Variants in EDIL3 observed in about 807,000 individuals in gnomAD.
The protein encoded by EDIL3 is EGF like and discoidin domains 3, also known as EGF-like repeat and discoidin I-like domain-containing protein 3.
In EDIL3, 37 loss-of-function variants were observed where a neutral mutation model predicts 67.4. That is an observed-to-expected ratio of 0.55 (90% CI 0.42 to 0.72). The LOEUF (loss-of-function observed/expected upper bound fraction) is 0.72. Among genes scored for constraint, EDIL3 ranks in the 30% least tolerant of loss-of-function variants. The probability of loss-of-function intolerance (pLI) is 0.00; values close to 1 mark genes in which losing one functional copy is unlikely to be tolerated. For synonymous variants in EDIL3, 195 were observed against 196.3 expected (o/e 0.99, Z 0.05); for missense variants, 527 against 586.3 (o/e 0.90, Z 1.04).
chr5:84,033,968 T>A lies in EDIL3; in HGVS notation c.1137+26332A>T, dbSNP rs76008098. On this transcript the variant is annotated intron_variant, in intron 9 of 10. Transcript: ENST00000296591. ...GGCACTAGCTGGCCAGTGGCTGTGA[T>A]CAATCCAGGACAAAGCAGGGCAAGA... Among the ~76,000 whole-genome samples, 111 of 152,220 alleles carry A rather than the reference T, an allele frequency of 7.3e-4. No homozygotes were observed. The East Asian group carries it at 0.02, about 28-fold the overall frequency.
At chr5:83,965,281 C>A (rs1744669906) in intron 9 of EDIL3, among the ~76,000 whole-genome samples, 1 of 152,062 alleles carries the variant, frequency 6.6e-6, no homozygotes, top group South Asian at 2.1e-4. Context: ...ATCCTGGATT[C>A]ATAGTATTAG....
At chr5:84,384,259 G>C in intron 1 of EDIL3, 49 bp downstream of exon 1, 1 of 1,584,382 alleles carries the variant, frequency 6.3e-7, no homozygotes, top group Non-Finnish European at 8.6e-7. Context: ...GTTTCTCAGG[G>C]GACTCCCAGC....
At chr5:83,945,520 A>G (rs1243762804) in intron 10 of EDIL3, among the ~76,000 whole-genome samples, 1 of 151,992 alleles carries the variant, frequency 6.6e-6, no homozygotes, top group African/African-American at 2.4e-5. Context: ...ACAGCCCGAA[A>G]TATAGTTTTA....
chr5:83,968,491 T>C (rs1039766073), intron 9 of EDIL3, among the ~76,000 whole-genome samples: 1 of 152,090 alleles, frequency 6.6e-6, no homozygotes, highest in Non-Finnish European at 1.5e-5. Flanking sequence ...GATGAAGTTT[T>C]CTGTTGTATT....
At chr5:84,343,322 T>C (rs1385338976) in intron 1 of EDIL3, among the ~76,000 whole-genome samples, 9 of 152,096 alleles carry the variant, frequency 5.9e-5, no homozygotes, top group Admixed American at 5.9e-4. Context: ...CAACTTTTTT[T>C]TTCATGTGCT....
chr5:84,080,659 A>G (rs4504368), intron 6 of EDIL3, among the ~76,000 whole-genome samples: 50,371 of 152,056 alleles, frequency 0.33, 8,522 homozygotes, highest in East Asian at 0.39. Context: ...AAGCTTTCTG[A>G]AAAACCTCAA....
At chr5:83,944,398 T>C (rs1451366203) in intron 10 of EDIL3, among the ~76,000 whole-genome samples, 12 of 50,650 alleles carry the variant, frequency 2.4e-4, no homozygotes, top group African/African-American at 5.8e-4. Context: ...TAAAAATGCT[T>C]TTTTTTTTTT....
At chr5:84,229,466 G>T (rs1389512941) in intron 3 of EDIL3, among the ~76,000 whole-genome samples, 1 of 152,076 alleles carries the variant, frequency 6.6e-6, no homozygotes, top group East Asian at 1.9e-4. Flanking sequence ...CTCATGAAAG[G>T]TATTTCTGAA....
At chr5:84,361,027 A>G (rs1747586064) in intron 1 of EDIL3, among the ~76,000 whole-genome samples, 2 of 152,238 alleles carry the variant, frequency 1.3e-5, no homozygotes, top group African/African-American at 4.8e-5. Context: ...GCTAGCAATG[A>G]GTAGCTCAGA....
At chr5:84,214,473 A>G (rs1044460875) in intron 3 of EDIL3, among the ~76,000 whole-genome samples, 3 of 151,050 alleles carry the variant, frequency 2.0e-5, no homozygotes, top group African/African-American at 7.3e-5. Context: ...GTTATACTCT[A>G]TTGTTTCTTA....
intron 9 of EDIL3, among the ~76,000 whole-genome samples, chr5:84,028,958 C>T (rs956331006): frequency 3.3e-5 from 5 of 152,036 alleles, no homozygotes; most frequent in South Asian, 2.1e-4. Context: ...GAATAAATCT[C>T]ACAAGAAGAG....
At chr5:84,276,181 C>T (rs1457271633) in intron 1 of EDIL3, among the ~76,000 whole-genome samples, 2 of 152,042 alleles carry the variant, frequency 1.3e-5, no homozygotes, top group Middle Eastern at 3.2e-3. Context: ...TTGTTGGCTG[C>T]TTATTCACAT....
intron 1 of EDIL3, among the ~76,000 whole-genome samples, chr5:84,362,596 GT>G (rs1747631982): frequency 6.6e-6 from 1 of 152,128 alleles, no homozygotes; most frequent in African/African-American, 2.4e-5. Context: ...AAGTTGGTAT[GT>G]TCCAATTGCC....
intron 9 of EDIL3, among the ~76,000 whole-genome samples, chr5:83,997,754 T>C (rs181970435): frequency 2.6e-5 from 4 of 152,200 alleles, no homozygotes. Context: ...GAACACCAAA[T>C]TGAACAACTA....
At chr5:84,150,612 G>A (rs990914643) in intron 4 of EDIL3, among the ~76,000 whole-genome samples, 1 of 152,080 alleles carries the variant, frequency 6.6e-6, no homozygotes, top group South Asian at 2.1e-4. Context: ...GATTACAACA[G>A]CTAAAATTAA....
At chr5:84,149,194 A>ACACAGAGACAGTTCAC in intron 4 of EDIL3, among the ~76,000 whole-genome samples, 1 of 152,174 alleles carries the variant, frequency 6.6e-6, no homozygotes, top group Non-Finnish European at 1.5e-5. Flanking sequence ...GGAGAGAACT[A>ACACAGAGACAGTTCAC]CACAGAGACA....
At chr5:84,222,256 A>T (rs1744358061) in intron 3 of EDIL3, among the ~76,000 whole-genome samples, 1 of 151,972 alleles carries the variant, frequency 6.6e-6, no homozygotes. Flanking sequence ...TAACTTGCTA[A>T]TATAAAACCA....
intron 5 of EDIL3, among the ~76,000 whole-genome samples, chr5:84,107,033 T>C (rs2112283915): frequency 6.6e-6 from 1 of 152,242 alleles, no homozygotes; most frequent in East Asian, 1.9e-4. Context: ...CTTCCTTCTT[T>C]GCTTTGAAAG....
chr5:84,324,324 G>A (rs561899369), intron 1 of EDIL3, among the ~76,000 whole-genome samples: 84 of 151,790 alleles, frequency 5.5e-4, no homozygotes, highest in African/African-American at 1.9e-3. Flanking sequence ...ACAACCAATG[G>A]ATAAAATAAG....
Sources: allele counts gnomAD v4.1 joint callset (sites outside exome capture counted in the v4.1 genomes callset), GRCh38; gene constraint gnomAD v4.1.1; transcripts MANE v1.5; gene names NCBI Gene and HGNC (gene_info 2026-07-23, HGNC 2026-07-21).